Variants in PRRT4 observed in about 807,000 individuals in gnomAD.
PRRT4 encodes proline rich transmembrane protein 4.
In PRRT4, 59 loss-of-function variants were observed where a neutral mutation model predicts 55.6. The ratio of observed to expected loss-of-function variants is 1.06; its 90% CI spans 0.86 to 1.32. PRRT4 has a LOEUF of 1.32. Ranked by LOEUF, PRRT4 falls within the 40% of genes most tolerant of loss-of-function variation. The probability of loss-of-function intolerance (pLI) is 0.00; values close to 1 mark genes in which losing one functional copy is unlikely to be tolerated. For synonymous variants in PRRT4, 606 were observed against 601.8 expected (o/e 1.01, Z -0.10); for missense variants, 1,217 against 1,222.0 (o/e 1.00, Z 0.06).
At chr7:128,353,581 A>G (rs961317722) in intron 4 of PRRT4, among the ~76,000 whole-genome samples, 1 of 151,984 alleles carries the variant, frequency 6.6e-6, no homozygotes, top group South Asian at 2.1e-4. Context: ...CCCTTAGCCT[A>G]TCCATGGCAG....
chr7:128,356,137 T>C (rs1797107298), intron 4 of PRRT4, among the ~76,000 whole-genome samples: 2 of 152,192 alleles, frequency 1.3e-5, no homozygotes, highest in South Asian at 2.1e-4. Flanking sequence ...CAGACACCTG[T>C]AGTCCCAGAT....
At chr7:128,354,641 A>G (rs1473459735) in intron 4 of PRRT4, among the ~76,000 whole-genome samples, 1 of 152,128 alleles carries the variant, frequency 6.6e-6, no homozygotes, top group Non-Finnish European at 1.5e-5. Context: ...AAAGATAAAC[A>G]AAAAACATAA....
intron 4 of PRRT4, among the ~76,000 whole-genome samples, chr7:128,357,209 T>TACACACACACACACACACAC (rs763703914): frequency 7.9e-6 from 1 of 127,184 alleles, no homozygotes; most frequent in Non-Finnish European, 1.7e-5. Context: ...TTGATACAAA[T>TACACACACACACACACACAC]ACACACACAC....
rs532253142 is a variant in PRRT4 at position 128,360,871 on chromosome 7, G to C, written c.-73+690C>G. ...TGCGCACACATCTGGTGGGGGAAGG[G>C]AGGGTGAGCCAGGGACACACATGCA... On this transcript the variant is annotated intron_variant, in intron 1 of 4. Transcript: ENST00000535159. Among the ~76,000 whole-genome samples the C allele has an allele frequency of 2.7e-4, 41 of 152,090 alleles. 1 individual carries two copies. The highest frequency in any genetic ancestry group is 7.5e-4 in the African/African-American group (31 of 41,482).
exon 5 of PRRT4, chr7:128,351,146 C>G (rs1441807977): frequency 1.3e-6 from 2 of 1,546,952 alleles, no homozygotes; most frequent in African/African-American, 2.7e-5. Context: ...CAGAACGAGC[C>G]AGATGAGACG....
rs138844897 is a variant in PRRT4 at position 128,355,358 on chromosome 7, C to T, written c.878-2680G>A. Among the ~76,000 whole-genome samples the T allele has an allele frequency of 3.1e-3, 467 of 152,180 alleles. 3 individuals carry two copies. The highest frequency in any genetic ancestry group is 3.7e-3 in the Non-Finnish European group (252 of 68,016). ...GATTACAGGTGCGTGCCACCATGCC[C>T]GACTAATTTTTATATTTTTAGTAGA... On this transcript the variant is annotated intron_variant, in intron 4 of 4. Transcript: ENST00000535159.
rs544660460 is a variant in PRRT4 at position 128,356,296 on chromosome 7, AG to A, written c.877+2384del. On this transcript the variant is annotated intron_variant, in intron 4 of 4. Transcript: ENST00000535159. ...AAATAAAATAAAATAAATCCAGAAAAGGAATAAAAACCAGATAATAGGCAAA... is the reference window on the plus strand; with the variant it reads ...AAATAAAATAAAATAAATCCAGAAAAGAATAAAAACCAGATAATAGGCAAA... Among the ~76,000 whole-genome samples the A allele has an allele frequency of 3.8e-4, 58 of 152,302 alleles. 1 individual carries two copies. The South Asian group carries it at 0.011, about 30-fold the overall frequency.
Position 128,358,979 on chromosome 7 carries a change from T to A in PRRT4, c.757+170A>T, listed in dbSNP as rs536089112. On this transcript the variant is annotated intron_variant, in intron 3 of 4. Transcript: ENST00000535159. This position sits in a 1 kb window ranked among gnomAD's most constrained non-coding sequence, Gnocchi z 4.4. Reference sequence around the variant, plus strand: ...GCTAAGCTACAAAGAGCAAACCAGATTCAGTATGGCAAAGAGAATACTCCT... The same window carrying A: ...GCTAAGCTACAAAGAGCAAACCAGAATCAGTATGGCAAAGAGAATACTCCT... 3.9e-5 allele frequency among the ~76,000 whole-genome samples: 6 copies of A among 152,234 alleles called. No homozygotes were observed. The South Asian group carries it at 1.0e-3, about 26-fold the overall frequency.
chr7:128,359,900 C>T, exon 2 of PRRT4: 1 of 1,462,968 alleles, frequency 6.8e-7, no homozygotes, highest in South Asian at 1.4e-5. Flanking sequence ...GGCAGGGGCA[C>T]CTGGGATGGA....
intron 1 of PRRT4, among the ~76,000 whole-genome samples, chr7:128,360,787 GGGCGAACTGCA>G (rs1797231430): frequency 6.6e-6 from 1 of 152,110 alleles, no homozygotes; most frequent in South Asian, 2.1e-4. Flanking sequence ...CAGGCAAGCT[GGGCGAACTGCA>G]GGCAGCTGCG....
chr7:128,360,441 C>G (rs1232943083), intron 1 of PRRT4, among the ~76,000 whole-genome samples: 2 of 152,214 alleles, frequency 1.3e-5, no homozygotes, highest in African/African-American at 2.4e-5. Context: ...AAGCACCCTT[C>G]TGGGCATATA....
chr7:128,359,405 G>A (rs145413607), exon 2 of PRRT4: 26,754 of 1,465,770 alleles, frequency 0.018, 308 homozygotes, highest in Non-Finnish European at 0.021. Flanking sequence ...CAGGGGCAGC[G>A]TTCGATGCCC....
chr7:128,354,570 A>ACACACAC (rs1231440333), intron 4 of PRRT4, among the ~76,000 whole-genome samples: 13 of 83,486 alleles, frequency 1.6e-4, no homozygotes, highest in African/African-American at 3.6e-4. Context: ...GCTCAAAAAA[A>ACACACAC]ACACACACAC....
Position 128,351,010 on chromosome 7 carries a change from G to A in PRRT4, c.2546C>T (p.Ser849Leu), listed in dbSNP as rs914994786. 5 of 1,550,326 alleles carry A rather than the reference G, an allele frequency of 3.2e-6. No homozygotes were observed. Among genetic ancestry groups the A allele is most frequent in the South Asian group, 1.2e-5 (1 of 84,046 alleles). ...TGGGGACAGGGCCTGGTAGGATCCT[G>A]AGGCCGGGAGGCTGGGGCTGCTTCC... is the stretch of plus-strand genomic sequence containing the variant. Residue 849 changes from serine to leucine, a missense_variant, in exon 5 of 5, where the codon TCA (serine) becomes TTA (leucine). Physicochemically the swap from Ser to Leu is moderately radical, Grantham distance 145 (BLOSUM62 -2). This residue lies in a region of PRRT4 where 642 missense variants were observed against 600.9 expected (regional missense o/e 1.07). Transcript: ENST00000535159.
At chr7:128,350,976 G>A in exon 5 of PRRT4, 3 of 1,551,066 alleles carry the variant, frequency 1.9e-6, no homozygotes, top group Non-Finnish European at 2.6e-6. Flanking sequence ...CTGGGGAGTC[G>A]CGAGAGGGTG....
At chr7:128,352,527 G>C (rs1173024786) in exon 5 of PRRT4, 2 of 1,543,802 alleles carry the variant, frequency 1.3e-6, no homozygotes, top group African/African-American at 1.4e-5. Flanking sequence ...TCAGGAAAAA[G>C]AGGGGCCTCG....
chr7:128,350,734 G>T, downstream of PRRT4: 1 of 1,445,752 alleles, frequency 6.9e-7, no homozygotes, highest in Non-Finnish European at 9.2e-7. Flanking sequence ...CCCCTGGATG[G>T]GGAAGGAATC....
Position 128,359,265 on chromosome 7 carries a change from G to C in PRRT4, c.653-12C>G. On this transcript the variant is annotated splice_polypyrimidine_tract_variant and intron_variant, in intron 2 of 4. Transcript: ENST00000535159. ...AGTGCCAAAGAATCCTGCAAAAGAA[G>C]CCCAGGCTGAAGCTGCCTCCTACCT... is the stretch of plus-strand genomic sequence containing the variant. The C allele has an allele frequency of 6.5e-7, 1 of 1,548,418 alleles. No individual in the cohort carries two copies. The highest frequency in any genetic ancestry group is 8.7e-7 in the Non-Finnish European group (1 of 1,145,692).
chr7:128,358,624 A>G lies in PRRT4; in HGVS notation c.877+57T>C. 2 of 1,440,828 alleles carry G rather than the reference A, an allele frequency of 1.4e-6. No individual in the cohort carries two copies. Among genetic ancestry groups the G allele is most frequent in the South Asian group, 1.2e-5 (1 of 81,690 alleles). The allele number at this position is 1,440,828 out of a possible 1,614,324, so 89.3% of individuals were successfully genotyped here. On this transcript the variant is annotated intron_variant, in intron 4 of 4. Coordinates refer to ENST00000535159, the Ensembl canonical transcript of PRRT4. The surrounding 1 kb of genome is among the most constrained non-coding windows in gnomAD (Gnocchi z 4.4). ...GGTCCCAGAACACTGATGAGTGACT[A>G]GCATGTAGTAAGTGCTCAATAAATA... is the stretch of plus-strand genomic sequence containing the variant.
Sources: gnomAD v4.1 joint callset for allele counts (sites outside exome capture counted in the v4.1 genomes callset) on GRCh38, gnomAD v4.1.1 for gene constraint, gnomAD v4.1.1 regional missense constraint, Gnocchi (gnomAD v3.1) non-coding constraint, MANE v1.5 for transcripts, NCBI Gene and HGNC (gene_info 2026-07-23, HGNC 2026-07-21) for gene names.